DGKG: variants seen among roughly 807,000 people sequenced by gnomAD.
The protein encoded by DGKG is DAG kinase gamma.
In DGKG, 78 loss-of-function variants were observed where a neutral mutation model predicts 105.3. That is an observed-to-expected ratio of 0.74 (90% CI 0.62 to 0.89). The LOEUF (loss-of-function observed/expected upper bound fraction) is 0.89, where lower values mean the gene tolerates loss of function less well. Ranked by LOEUF, DGKG falls within the 40% of genes least tolerant of loss-of-function variation. The probability of loss-of-function intolerance (pLI) is 0.00; values close to 1 mark genes in which losing one functional copy is unlikely to be tolerated. For synonymous variants in DGKG, 346 were observed against 367.1 expected, an observed-to-expected ratio of 0.94 and a Z score of 0.66; for missense variants, 958 against 1,020.1, an observed-to-expected ratio of 0.94 and a Z score of 0.83.
rs1715680000 is a variant in DGKG at position 186,149,988 on chromosome 3, GTGTGTGTGTGTGCA to G, written c.*88_*101del. On this transcript the variant is annotated 3_prime_UTR_variant, in exon 25 of 25. Coordinates refer to ENST00000265022, the MANE Select transcript of DGKG (RefSeq NM_001346.3). ...ACTGGTTAGAGAAGAGTGTGTATGT[GTGTGTGTGTGTGCA>G]TGTGTGAGTGTGCACATAAATTGTG... 2 of 1,481,922 alleles carry G rather than the reference GTGTGTGTGTGTGCA, an allele frequency of 1.3e-6. No individual in the cohort carries two copies. The highest frequency in any genetic ancestry group is 1.8e-6 in the Non-Finnish European group (2 of 1,116,244). 91.8% of individuals were successfully genotyped at this position (1,481,922 alleles called of 1,614,324 possible).
chr3:186,249,637 T>C (rs1211545457), intron 19 of DGKG, among the ~76,000 whole-genome samples: 1 of 151,538 alleles, frequency 6.6e-6, no homozygotes, highest in Non-Finnish European at 1.5e-5. Context: ...AGGTCAGGAG[T>C]TTGAGACCAG....
intron 14 of DGKG, among the ~76,000 whole-genome samples, chr3:186,263,274 C>A (rs1483276319): frequency 6.6e-6 from 1 of 151,974 alleles, no homozygotes; most frequent in South Asian, 2.1e-4. Flanking sequence ...GCACTTAAAA[C>A]ATGTACTATT....
At position 186,147,281 on chromosome 3, in the gene DGKG, C is replaced by T; in HGVS notation, c.*2809G>A. 3.0e-6 allele frequency: 3 copies of T among 985,858 alleles called. No individual in the cohort carries two copies. Among genetic ancestry groups the T allele is most frequent in the Non-Finnish European group, 3.6e-6 (3 of 829,956 alleles). 61.1% of individuals were successfully genotyped at this position (985,858 alleles called of 1,614,324 possible). ...AACATGTTTGTAGCATGGCCAGAAT[C>T]AGAATAAGATAAGAAATAAGGGATT... On this transcript the variant is annotated 3_prime_UTR_variant, in exon 25 of 25. Transcript: ENST00000265022.
rs1356494796 is a variant in DGKG, at chr3:186,216,278, G to C, written c.1827-4393C>G. Among the ~76,000 whole-genome samples the C allele has an allele frequency of 2.6e-5, 4 of 152,074 alleles. No homozygotes were observed. The East Asian group carries it at 7.7e-4, about 29-fold the overall frequency. The stretch of plus-strand genomic sequence containing the variant: ...GCCTCTCAAAGTATTGGGATTGCAG[G>C]CCACCGCACCCGGCCGAGCTTATAC... On this transcript the variant is annotated intron_variant, in intron 20 of 24. Transcript: ENST00000265022.
At chr3:186,188,454 G>A (rs562868830) in intron 21 of DGKG, 75 bp from the exon 22 acceptor site, 119 of 1,335,640 alleles carry the variant, frequency 8.9e-5, no homozygotes, top group African/African-American at 5.7e-4. Flanking sequence ...GTGTGTGTGC[G>A]TGCGTGTGTG....
intron 19 of DGKG, among the ~76,000 whole-genome samples, chr3:186,244,576 T>C (rs1720848346): frequency 6.6e-6 from 1 of 151,980 alleles, no homozygotes; most frequent in Non-Finnish European, 1.5e-5. Flanking sequence ...GGCTAATTTT[T>C]TGTATTTTTA....
intron 3 of DGKG, among the ~76,000 whole-genome samples, chr3:186,303,050 C>G (rs149570864): frequency 1.6e-4 from 24 of 152,142 alleles, no homozygotes; most frequent in Admixed American, 9.8e-4. Context: ...GACTCCCTGT[C>G]CAGTGCTCCT....
chr3:186,358,865 T>C (rs556801543), intron 1 of DGKG, among the ~76,000 whole-genome samples: 1 of 152,336 alleles, frequency 6.6e-6, no homozygotes, highest in African/African-American at 2.4e-5. Flanking sequence ...GTTGTTATAA[T>C]GACTTGTATG....
intron 23 of DGKG, among the ~76,000 whole-genome samples, chr3:186,163,603 A>T (rs1240065793): frequency 2.6e-5 from 4 of 152,162 alleles, no homozygotes; most frequent in Admixed American, 1.3e-4. Flanking sequence ...AAACAAGAGT[A>T]AAGAGTGGCA....
intron 21 of DGKG, among the ~76,000 whole-genome samples, chr3:186,205,239 A>G (rs1718668098): frequency 6.7e-6 from 1 of 148,272 alleles, no homozygotes; most frequent in Non-Finnish European, 1.5e-5. Flanking sequence ...CCTGGGCGAC[A>G]AGAGCAAAAC....
intron 15 of DGKG, 51 bp from the exon 16 acceptor site, chr3:186,260,564 T>C: frequency 7.6e-7 from 1 of 1,311,558 alleles, no homozygotes. Context: ...AGAAGGAATA[T>C]GTCATCGTGA....
At chr3:186,291,215 G>A (rs1723296543) in intron 5 of DGKG, among the ~76,000 whole-genome samples, 1 of 151,580 alleles carries the variant, frequency 6.6e-6, no homozygotes. Context: ...TTAAGAGGAG[G>A]GAATCCTACG....
intron 1 of DGKG, among the ~76,000 whole-genome samples, chr3:186,354,427 C>T (rs542675341): frequency 1.2e-4 from 18 of 152,314 alleles, no homozygotes; most frequent in Middle Eastern, 3.4e-3. Context: ...TCTCTGCAGA[C>T]GACACTGTTT....
In DGKG at chr3:186,287,035, A is replaced by AAAAT. The variant is rs56077495; in HGVS notation, c.544+1671_544+1674dup. On this transcript the variant is annotated intron_variant, in intron 6 of 24. Coordinates refer to ENST00000265022, the MANE Select transcript of DGKG (RefSeq NM_001346.3). ...GGCAACAAGAGCAAAACTCCATCTC[A>AAAAT]AAATAAATAAATAAATAAATAAATA... 8.0e-4 allele frequency among the ~76,000 whole-genome samples: 114 copies of AAAAT among 142,556 alleles called. 1 individual carries two copies. The highest frequency in any genetic ancestry group is 3.5e-3 in the Middle Eastern group (1 of 286). 93.5% of individuals were successfully genotyped at this position (142,556 alleles called of 152,430 possible). A position where few individuals can be genotyped will look rare whatever the true frequency, so the allele number is the denominator to read the frequency against.
chr3:186,229,930 A>G (rs146236666), intron 20 of DGKG, among the ~76,000 whole-genome samples: 1,922 of 152,272 alleles, frequency 0.013, 42 homozygotes, highest in Middle Eastern at 0.058. Context: ...TAGAAGACAA[A>G]GAGGGTGCAG....
At chr3:186,172,410 C>T (rs1716868405) in intron 22 of DGKG, among the ~76,000 whole-genome samples, 1 of 152,236 alleles carries the variant, frequency 6.6e-6, no homozygotes, top group African/African-American at 2.4e-5. Flanking sequence ...GGGCCCCTGA[C>T]TATGTATGGA....
intron 20 of DGKG, among the ~76,000 whole-genome samples, chr3:186,221,383 G>T (rs1003087126): frequency 9.2e-5 from 14 of 152,228 alleles, no homozygotes; most frequent in African/African-American, 3.4e-4. Context: ...CAGTTTGGCT[G>T]CTTCTTAGCA....
intron 20 of DGKG, among the ~76,000 whole-genome samples, chr3:186,221,384 C>A (rs1719571581): frequency 6.6e-6 from 1 of 152,218 alleles, no homozygotes; most frequent in Admixed American, 6.5e-5. Flanking sequence ...AGTTTGGCTG[C>A]TTCTTAGCAA....
chr3:186,297,151 C>A (rs1211631818), intron 5 of DGKG, among the ~76,000 whole-genome samples: 2 of 151,158 alleles, frequency 1.3e-5, no homozygotes, highest in African/African-American at 2.4e-5. Flanking sequence ...GCAGACATAT[C>A]AGAGATAAAC....
Sources: gnomAD v4.1 joint callset for allele counts (sites outside exome capture counted in the v4.1 genomes callset) on GRCh38, gnomAD v4.1.1 for gene constraint, MANE v1.5 for transcripts, NCBI Gene and HGNC (gene_info 2026-07-23, HGNC 2026-07-21) for gene names.